The following SOCS5 variants were observed in gnomAD, a reference collection of about 807,000 sequenced individuals.
SOCS5 encodes suppressor of cytokine signaling 5.
SOCS5 carries 32 observed loss-of-function variants against 42.8 expected under a neutral mutation model. The ratio of observed to expected loss-of-function variants is 0.75; its 90% confidence interval spans 0.56 to 1.01. SOCS5 has a LOEUF of 1.01. Ranked by LOEUF, SOCS5 falls within the 50% of genes least tolerant of loss-of-function variation. SOCS5 has a pLI of 0.00. For synonymous variants in SOCS5, 283 were observed against 229.6 expected (o/e 1.23, Z -2.10); for missense variants, 627 against 653.0 (o/e 0.96, Z 0.43).
intron 1 of SOCS5, among the ~76,000 whole-genome samples, chr2:46,702,411 T>C (rs1342868855): frequency 6.6e-6 from 1 of 152,154 alleles, no homozygotes; most frequent in Non-Finnish European, 1.5e-5. Flanking sequence ...TTAGAGTGAA[T>C]GTGTTACTGT....
intron 1 of SOCS5, among the ~76,000 whole-genome samples, chr2:46,743,835 A>G (rs1377206014): frequency 6.6e-6 from 1 of 152,178 alleles, no homozygotes; most frequent in Non-Finnish European, 1.5e-5. Flanking sequence ...TCTGTTGGTA[A>G]TAGGAAAAAA....
At position 46,758,736 on chromosome 2, in the gene SOCS5, T is replaced by G; in HGVS notation, c.206T>G (p.Leu69Ter). 6.2e-7 allele frequency: 1 copy of G among 1,614,128 alleles called. No homozygotes were observed. Among genetic ancestry groups the G allele is most frequent in the Non-Finnish European group, 8.5e-7 (1 of 1,179,978 alleles). Residue 69 changes from leucine (L) to a stop codon, truncating the protein, a stop_gained, in exon 2 of 2, where the codon TTA (leucine) becomes TGA (stop). Transcript: ENST00000394861. LOFTEE classifies it high-confidence loss of function. ...GAAAATATTGCCTTACAACTGGGAT[T>G]AAGCCCTTCGAAGAATTCTTCAAGG... ...LRENIALQLG[L>*]SPSKNSSRRN...
intron 1 of SOCS5, among the ~76,000 whole-genome samples, chr2:46,724,231 T>G (rs931640819): frequency 1.3e-5 from 2 of 151,852 alleles, no homozygotes; most frequent in Admixed American, 6.6e-5. Context: ...TGTCTGCTTT[T>G]TTTTTTTTCT....
intron 1 of SOCS5, among the ~76,000 whole-genome samples, chr2:46,729,307 T>G (rs566125260): frequency 6.6e-6 from 1 of 152,244 alleles, no homozygotes; most frequent in African/African-American, 2.4e-5. Flanking sequence ...AATTTAAATG[T>G]ATGCATATAA....
At position 46,759,610 on chromosome 2, in the gene SOCS5, C is replaced by T. The variant is rs1673814510; in HGVS notation, c.1080C>T (p.His360=). The T allele has an allele frequency of 1.2e-6, 2 of 1,614,000 alleles. No individual in the cohort carries two copies. The highest frequency in any genetic ancestry group is 1.7e-6 in the Non-Finnish European group (2 of 1,179,866). The change falls in exon 2 of 2, where the codon CAC becomes CAT. Residue 360 remains histidine (H), a synonymous_variant. Coordinates refer to ENST00000394861, the MANE Select transcript of SOCS5 (RefSeq NM_144949.3). ...HVSRQGAWKV[H]TQIDYIHCLV... Reference sequence around the variant, plus strand: ...GCAGACAGGGAGCTTGGAAAGTCCACACACAGATTGATTACATACACTGCC... The same window carrying T: ...GCAGACAGGGAGCTTGGAAAGTCCATACACAGATTGATTACATACACTGCC...
intron 1 of SOCS5, among the ~76,000 whole-genome samples, chr2:46,748,612 G>A (rs563616453): frequency 6.6e-6 from 1 of 151,886 alleles, no homozygotes; most frequent in South Asian, 2.1e-4. Context: ...TTTTCCATTA[G>A]TTTTTTTTAG....
At chr2:46,724,588 C>G (rs1024971156) in intron 1 of SOCS5, among the ~76,000 whole-genome samples, 2 of 151,788 alleles carry the variant, frequency 1.3e-5, no homozygotes, top group Non-Finnish European at 2.9e-5. Flanking sequence ...CTTTTCAGTT[C>G]GAGATATTTT....
At chr2:46,714,594 T>C (rs1672698928) in intron 1 of SOCS5, among the ~76,000 whole-genome samples, 1 of 152,220 alleles carries the variant, frequency 6.6e-6, no homozygotes, top group African/African-American at 2.4e-5. Context: ...ATCTCTCCTT[T>C]AATTGATGTG....
intron 1 of SOCS5, among the ~76,000 whole-genome samples, chr2:46,721,075 T>G (rs900934940): frequency 3.3e-5 from 5 of 152,204 alleles, no homozygotes; most frequent in Non-Finnish European, 7.3e-5. Flanking sequence ...ACCTAGACAT[T>G]ACAGCAGTTG....
At chr2:46,716,519 C>T (rs1010645618) in intron 1 of SOCS5, among the ~76,000 whole-genome samples, 3 of 151,386 alleles carry the variant, frequency 2.0e-5, no homozygotes, top group African/African-American at 7.3e-5. Context: ...ACTTTTTCAC[C>T]CCAGCTAGAG....
intron 1 of SOCS5, among the ~76,000 whole-genome samples, chr2:46,751,974 T>C (rs1401712248): frequency 1.3e-5 from 2 of 152,192 alleles, no homozygotes; most frequent in Non-Finnish European, 2.9e-5. Flanking sequence ...TAAGGTTATA[T>C]TGGCATGCAG....
chr2:46,702,973 G>A (rs546512786), intron 1 of SOCS5, among the ~76,000 whole-genome samples: 1 of 152,170 alleles, frequency 6.6e-6, no homozygotes, highest in South Asian at 2.1e-4. Flanking sequence ...ATGCATCTTT[G>A]TGGTCTTTCC....
At chr2:46,732,389 A>G (rs995550298) in intron 1 of SOCS5, among the ~76,000 whole-genome samples, 13 of 152,134 alleles carry the variant, frequency 8.5e-5, no homozygotes. Context: ...GGTATAGTGT[A>G]AGTAGAGGGA....
chr2:46,713,276 A>G (rs1358868362), intron 1 of SOCS5, among the ~76,000 whole-genome samples: 1 of 152,164 alleles, frequency 6.6e-6, no homozygotes, highest in Non-Finnish European at 1.5e-5. Flanking sequence ...AGATCCTTTG[A>G]GCCTGGGAGG....
chr2:46,753,301 C>T (rs1673664562), intron 1 of SOCS5, among the ~76,000 whole-genome samples: 1 of 152,156 alleles, frequency 6.6e-6, no homozygotes, highest in South Asian at 2.1e-4. Flanking sequence ...TCACGTTTCC[C>T]TGTTATCTTT....
chr2:46,700,407 C>T (rs1437517343), intron 1 of SOCS5, among the ~76,000 whole-genome samples: 1 of 152,180 alleles, frequency 6.6e-6, no homozygotes, highest in Non-Finnish European at 1.5e-5. Context: ...ACCTCTCTAT[C>T]CATAGTGGTG....
At chr2:46,711,450 A>G (rs1672621194) in intron 1 of SOCS5, among the ~76,000 whole-genome samples, 1 of 152,198 alleles carries the variant, frequency 6.6e-6, no homozygotes, top group Admixed American at 6.5e-5. Flanking sequence ...TGTTCAAGGC[A>G]TTAACCAGTT....
chr2:46,702,950 A>G (rs1354348542), intron 1 of SOCS5, among the ~76,000 whole-genome samples: 1 of 152,090 alleles, frequency 6.6e-6, no homozygotes, highest in Non-Finnish European at 1.5e-5. Context: ...TGGTCCTTTC[A>G]ACTTTGATTC....
intron 1 of SOCS5, among the ~76,000 whole-genome samples, chr2:46,717,835 G>T (rs1672784040): frequency 6.6e-6 from 1 of 152,000 alleles, no homozygotes; most frequent in Admixed American, 6.6e-5. Flanking sequence ...CCGGACCTGT[G>T]CTTACAAGCT....
Sources: allele counts gnomAD v4.1 joint callset (sites outside exome capture counted in the v4.1 genomes callset), GRCh38; gene constraint gnomAD v4.1.1; transcripts MANE v1.5; gene names NCBI Gene and HGNC (gene_info 2026-07-23, HGNC 2026-07-21).